Variants in COPG2 observed in about 807,000 individuals in gnomAD.
COPG2 encodes the protein coatomer subunit gamma-2.
A neutral mutation model predicts 46.3 loss-of-function variants in COPG2; 37 were observed. The ratio of observed to expected loss-of-function variants is 0.80; its 90% CI spans 0.61 to 1.05. COPG2 has a LOEUF of 1.05. Among genes scored for constraint, COPG2 ranks in the 50% least tolerant of loss-of-function variants. COPG2 has a pLI of 0.00. For missense variants in COPG2, 427 were observed against 387.8 expected (o/e 1.10, Z -0.85); for synonymous variants, 159 against 129.7 (o/e 1.23, Z -1.53).
intron 3 of COPG2, among the ~76,000 whole-genome samples, chr7:130,663,738 T>C (rs1412822183): frequency 1.2e-4 from 16 of 134,106 alleles, no homozygotes; most frequent in Non-Finnish European, 2.4e-4. Flanking sequence ...TTCTTTTTTT[T>C]TTTTTTTTTT....
At chr7:130,597,241 T>C (rs992578274) in intron 9 of COPG2, among the ~76,000 whole-genome samples, 60 of 152,306 alleles carry the variant, frequency 3.9e-4, no homozygotes, top group African/African-American at 1.3e-3. Flanking sequence ...ATTTCCTACA[T>C]TCTTGACCAT....
At chr7:130,612,312 C>T in intron 7 of COPG2, 74 bp from the exon 8 acceptor site, 1 of 917,106 alleles carries the variant, frequency 1.1e-6, no homozygotes, top group South Asian at 1.8e-5. Context: ...AGTTAGTTTT[C>T]TTTGAAAATC....
At chr7:130,537,988 G>A (rs1018523652) in intron 20 of COPG2, among the ~76,000 whole-genome samples, 109 of 152,250 alleles carry the variant, frequency 7.2e-4, no homozygotes, top group Non-Finnish European at 1.0e-3. Context: ...TTCCTTAGAG[G>A]CAGAACTGAG....
chr7:130,636,908 G>A (rs1554456362), intron 5 of COPG2, among the ~76,000 whole-genome samples: 1 of 152,118 alleles, frequency 6.6e-6, no homozygotes, highest in Non-Finnish European at 1.5e-5. Flanking sequence ...GCTCTTGAAA[G>A]GCAGGCCTGG....
intron 3 of COPG2, among the ~76,000 whole-genome samples, chr7:130,663,607 A>G (rs1461727662): frequency 1.3e-5 from 2 of 152,110 alleles, no homozygotes; most frequent in African/African-American, 4.8e-5. Context: ...GCCCCTAAAA[A>G]CATGCTTTGG....
chr7:130,617,005 G>C lies in COPG2; in HGVS notation c.384C>G (p.Leu128=), dbSNP rs1554452983. Residue 128 remains leucine, a synonymous_variant, in exon 6 of 24, where the codon CTC becomes CTG. Transcript: ENST00000425248. ...DVYRGPAIRA[L]CRITDGTMLQ... is the part of the protein sequence containing the mutation. Reference sequence around the variant, plus strand: ...GATAACTTACATCGGTGATCCTGCAGAGAGCTCTGATGGCCGGGCCTCGGT... The same window carrying C: ...GATAACTTACATCGGTGATCCTGCACAGAGCTCTGATGGCCGGGCCTCGGT... The C allele has an allele frequency of 1.2e-6, 2 of 1,610,574 alleles. No individual in the cohort carries two copies. Among genetic ancestry groups the C allele is most frequent in the African/African-American group, 1.3e-5 (1 of 74,906 alleles).
intron 9 of COPG2, among the ~76,000 whole-genome samples, chr7:130,579,200 TC>T (rs1425604186): frequency 3.0e-5 from 4 of 132,106 alleles, no homozygotes; most frequent in African/African-American, 1.2e-4. Context: ...TATTCAACAT[TC>T]TTAAAGAAAA....
intron 6 of COPG2, among the ~76,000 whole-genome samples, chr7:130,616,442 T>C (rs1458583109): frequency 1.3e-5 from 2 of 151,926 alleles, no homozygotes; most frequent in Middle Eastern, 3.4e-3. Flanking sequence ...AAAAAAAAAT[T>C]AGCCAGGTGT....
At chr7:130,620,678 G>C (rs1795023946) in intron 5 of COPG2, among the ~76,000 whole-genome samples, 1 of 152,100 alleles carries the variant, frequency 6.6e-6, no homozygotes, top group African/African-American at 2.4e-5. Context: ...ATTCTGTCTT[G>C]GGATGAATCA....
At chr7:130,637,389 T>C (rs1393135030) in intron 5 of COPG2, among the ~76,000 whole-genome samples, 1 of 152,218 alleles carries the variant, frequency 6.6e-6, no homozygotes, top group Non-Finnish European at 1.5e-5. Flanking sequence ...TCTTTTGACA[T>C]AGTCCCATAT....
chr7:130,617,622 A>G (rs1208337154), intron 5 of COPG2, among the ~76,000 whole-genome samples: 1 of 152,190 alleles, frequency 6.6e-6, no homozygotes, highest in African/African-American at 2.4e-5. Flanking sequence ...CCATGCTTTA[A>G]AGAGGTTTTT....
chr7:130,611,190 CTAGAT>C, intron 8 of COPG2, 80 bp from the exon 9 acceptor site: 1 of 1,315,216 alleles, frequency 7.6e-7, no homozygotes, highest in Non-Finnish European at 1.0e-6. Context: ...TTACACGGAA[CTAGAT>C]TAAAGATTTC....
intron 11 of COPG2, among the ~76,000 whole-genome samples, chr7:130,562,064 T>C (rs1408704598): frequency 6.6e-6 from 1 of 152,126 alleles, no homozygotes; most frequent in African/African-American, 2.4e-5. Context: ...ATCAACTCTT[T>C]AAAAACAATT....
chr7:130,663,409 T>C (rs1796015762), intron 3 of COPG2, among the ~76,000 whole-genome samples: 2 of 152,172 alleles, frequency 1.3e-5, no homozygotes, highest in Admixed American at 6.5e-5. Context: ...GCAGAGATCA[T>C]ATCTATAATG....
At chr7:130,507,872 G>T in intron 21 of COPG2, 49 bp from the exon 22 acceptor site, 1 of 768,422 alleles carries the variant, frequency 1.3e-6, no homozygotes, top group Non-Finnish European at 2.4e-6. Flanking sequence ...CTGTTATAGG[G>T]CAAAGATAAA....
chr7:130,600,900 G>C (rs1794622050), intron 9 of COPG2, among the ~76,000 whole-genome samples: 1 of 152,128 alleles, frequency 6.6e-6, no homozygotes, highest in Non-Finnish European at 1.5e-5. Flanking sequence ...ATATACACCA[G>C]AGTTTGTCTG....
At chr7:130,544,692 G>A (rs1363264269) in intron 20 of COPG2, among the ~76,000 whole-genome samples, 9 of 152,066 alleles carry the variant, frequency 5.9e-5, no homozygotes, top group South Asian at 2.1e-4. Context: ...ATATTGTTAC[G>A]GGTGCAATAA....
At chr7:130,610,544 A>G in intron 9 of COPG2, 1 of 521,008 alleles carries the variant, frequency 1.9e-6, no homozygotes, top group Non-Finnish European at 3.8e-6. Context: ...GCTAAAGTAT[A>G]TTTGGTCACA....
intron 21 of COPG2, chr7:130,508,333 G>A (rs754162879): frequency 2.4e-6 from 1 of 411,856 alleles, no homozygotes; most frequent in East Asian, 3.8e-5. Flanking sequence ...AGAAAAAAAA[G>A]GGTGAGTTTG....
Sources: gnomAD v4.1 joint callset for allele counts (sites outside exome capture counted in the v4.1 genomes callset) on GRCh38, gnomAD v4.1.1 for gene constraint, MANE v1.5 for transcripts, NCBI Gene and HGNC (gene_info 2026-07-23, HGNC 2026-07-21) for gene names.